The following MAD1L1 variants were observed in gnomAD, a reference collection of about 807,000 sequenced individuals.
MAD1L1 encodes the protein mitotic arrest deficient 1 like 1.
A neutral mutation model predicts 96.9 loss-of-function variants in MAD1L1; 95 were observed. The observed-to-expected ratio is 0.98, with a 90% confidence interval of 0.83 to 1.16. The LOEUF (loss-of-function observed/expected upper bound fraction) is 1.16. MAD1L1 is among the 50% of genes most tolerant of loss of function. The pLI is 0.00. For missense variants in MAD1L1, 1,007 were observed against 954.4 expected, an observed-to-expected ratio of 1.06 and a Z score of -0.73; for synonymous variants, 473 against 396.6, an observed-to-expected ratio of 1.19 and a Z score of -2.29.
At chr7:1,849,107 T>C (rs1441891886) in intron 18 of MAD1L1, 2 of 147,050 alleles carry the variant, frequency 1.4e-5, no homozygotes, top group Non-Finnish European at 3.0e-5. Context: ...CACACACACA[T>C]ACACGTGCAC....
At chr7:1,888,550 G>A (rs916373889) in intron 18 of MAD1L1, among the ~76,000 whole-genome samples, 6 of 143,510 alleles carry the variant, frequency 4.2e-5, no homozygotes, top group Non-Finnish European at 6.1e-5. Flanking sequence ...GCGTGTGTGT[G>A]AGCATGCATG....
At chr7:1,871,870 G>A (rs750572222) in intron 18 of MAD1L1, among the ~76,000 whole-genome samples, 6 of 152,218 alleles carry the variant, frequency 3.9e-5, no homozygotes, top group Non-Finnish European at 8.8e-5. Context: ...GGACATGGAG[G>A]GGACAGGGTC....
Position 2,119,769 on chromosome 7 carries a change from C to T in MAD1L1, c.1073+29383G>A, listed in dbSNP as rs1002740022. Among the ~76,000 whole-genome samples, 22 of 152,196 alleles carry T rather than the reference C, an allele frequency of 1.4e-4. No individual in the cohort carries two copies. Among genetic ancestry groups the T allele is most frequent in the African/African-American group, 5.3e-4 (22 of 41,434 alleles). ...CAGCACAGTCCTGGCTGCACCCATA[C>T]AGCTCACACAGATGGCAGCCACACA... On this transcript the variant is annotated intron_variant, in intron 11 of 18. Coordinates refer to ENST00000265854, the MANE Select transcript of MAD1L1 (RefSeq NM_001013836.2). This position sits in a 1 kb window ranked among gnomAD's most constrained non-coding sequence, Gnocchi z 4.6.
intron 11 of MAD1L1, among the ~76,000 whole-genome samples, chr7:2,112,125 A>C (rs1247983377): frequency 1.3e-5 from 2 of 152,076 alleles, no homozygotes; most frequent in Non-Finnish European, 2.9e-5. Context: ...ATGCACCTCC[A>C]TGAGCCAAAG....
At chr7:2,012,089 G>A (rs1265799098) in intron 13 of MAD1L1, among the ~76,000 whole-genome samples, 2 of 152,210 alleles carry the variant, frequency 1.3e-5, no homozygotes, top group Admixed American at 1.3e-4. Flanking sequence ...CCCCACCATG[G>A]GAAGGGAGGG....
intron 18 of MAD1L1, chr7:1,849,044 A>C (rs1231198068): frequency 9.2e-6 from 1 of 108,278 alleles, no homozygotes; most frequent in Non-Finnish European, 1.9e-5. Context: ...ACGGGTGTAC[A>C]TGTACACACA....
At chr7:2,172,286 G>A (rs1476575947) in intron 10 of MAD1L1, among the ~76,000 whole-genome samples, 2 of 152,084 alleles carry the variant, frequency 1.3e-5, no homozygotes, top group East Asian at 1.9e-4. Flanking sequence ...ACAAGCACAC[G>A]AGGCTCGGGT....
At chr7:1,989,494 CCT>C (rs1781307227) in intron 14 of MAD1L1, among the ~76,000 whole-genome samples, 2 of 152,234 alleles carry the variant, frequency 1.3e-5, no homozygotes, top group African/African-American at 4.8e-5. Context: ...GGCTGGGAGC[CCT>C]CGGCGGCGGG....
chr7:1,996,806 TCGGAAAA>T (rs1781581747), intron 14 of MAD1L1, among the ~76,000 whole-genome samples: 3 of 151,280 alleles, frequency 2.0e-5, no homozygotes, highest in Admixed American at 1.3e-4. Flanking sequence ...TCCCTCTGAA[TCGGAAAA>T]TAAAGCTTCA....
intron 15 of MAD1L1, among the ~76,000 whole-genome samples, chr7:1,960,058 G>A (rs1029012546): frequency 3.3e-5 from 5 of 152,128 alleles, no homozygotes; most frequent in African/African-American, 1.2e-4. Context: ...AACCAACACT[G>A]TGGCTGTAAG....
intron 16 of MAD1L1, among the ~76,000 whole-genome samples, chr7:1,942,332 G>C (rs995279359): frequency 6.6e-6 from 1 of 152,242 alleles, no homozygotes; most frequent in Non-Finnish European, 1.5e-5. Context: ...AGGTGAGACA[G>C]GACCGTGCCC....
intron 17 of MAD1L1, among the ~76,000 whole-genome samples, chr7:1,907,470 T>G (rs1195054497): frequency 2.0e-5 from 3 of 152,240 alleles, no homozygotes; most frequent in Non-Finnish European, 2.9e-5. Context: ...AAGGGACTAA[T>G]ATTTCACCAT....
At chr7:2,025,480 T>G (rs1425085955) in intron 12 of MAD1L1, among the ~76,000 whole-genome samples, 2 of 152,312 alleles carry the variant, frequency 1.3e-5, no homozygotes, top group East Asian at 3.9e-4. Context: ...AAAAGTGAAT[T>G]AAATATGTTC....
intron 12 of MAD1L1, among the ~76,000 whole-genome samples, chr7:2,048,870 C>A (rs1562637630): frequency 1.3e-5 from 2 of 152,238 alleles, no homozygotes; most frequent in Non-Finnish European, 2.9e-5. Flanking sequence ...AGGCGAAGAG[C>A]TGTGCCGATT....
At chr7:2,074,249 T>A (rs1785274578) in intron 11 of MAD1L1, among the ~76,000 whole-genome samples, 1 of 151,640 alleles carries the variant, frequency 6.6e-6, no homozygotes, top group African/African-American at 2.4e-5. Flanking sequence ...AAGCCACGCG[T>A]GTGGCATGAG....
At chr7:2,192,012 C>A (rs892336649) in intron 10 of MAD1L1, among the ~76,000 whole-genome samples, 1 of 151,248 alleles carries the variant, frequency 6.6e-6, no homozygotes, top group Non-Finnish European at 1.5e-5. Flanking sequence ...GCCTGGGTGA[C>A]AGAGCGAGCC....
chr7:2,081,981 T>C (rs3800888), intron 11 of MAD1L1, among the ~76,000 whole-genome samples: 6,940 of 152,066 alleles, frequency 0.046, 256 homozygotes, highest in African/African-American at 0.095. Flanking sequence ...AATCTGATCA[T>C]GGAGATTAGG....
chr7:1,874,480 G>C (rs1375164583), intron 18 of MAD1L1: 1 of 453,802 alleles, frequency 2.2e-6, no homozygotes, highest in Non-Finnish European at 4.4e-6. Flanking sequence ...AGGAGGCGGA[G>C]GGCTGACCTT....
intron 15 of MAD1L1, among the ~76,000 whole-genome samples, chr7:1,975,593 T>C (rs1018458825): frequency 6.6e-6 from 1 of 152,198 alleles, no homozygotes; most frequent in African/African-American, 2.4e-5. Flanking sequence ...AGCAGCGGTG[T>C]TTAATGGAGA....
Sources: allele counts gnomAD v4.1 joint callset (sites outside exome capture counted in the v4.1 genomes callset), GRCh38; gene constraint gnomAD v4.1.1; non-coding constraint Gnocchi (gnomAD v3.1); transcripts MANE v1.5; gene names NCBI Gene and HGNC (gene_info 2026-07-23, HGNC 2026-07-21).